The following NSD3 variants were observed in gnomAD, a reference collection of about 807,000 sequenced individuals.
NSD3 encodes the protein histone-lysine N-methyltransferase NSD3.
In NSD3, 24 loss-of-function variants were observed where a neutral mutation model predicts 160.8. That is an observed-to-expected ratio of 0.15 (90% CI 0.11 to 0.21). The LOEUF (loss-of-function observed/expected upper bound fraction) is 0.21, where lower values mean the gene tolerates loss of function less well. Among genes scored for constraint, NSD3 ranks in the 10% least tolerant of loss-of-function variants. The probability of loss-of-function intolerance (pLI) is 1.00; values close to 1 mark genes in which losing one functional copy is unlikely to be tolerated. For synonymous variants in NSD3, 520 were observed against 600.0 expected, an observed-to-expected ratio of 0.87 and a Z score of 1.95; for missense variants, 1,157 against 1,735.9, an observed-to-expected ratio of 0.67 and a Z score of 5.93.
chr8:38,376,001 A>T (rs1287325282), intron 1 of NSD3, among the ~76,000 whole-genome samples: 1 of 152,134 alleles, frequency 6.6e-6, no homozygotes, highest in Non-Finnish European at 1.5e-5. Context: ...AGAAAAAAAA[A>T]ATTAAATAAA....
chr8:38,379,078 G>T (rs1434247575), intron 1 of NSD3, among the ~76,000 whole-genome samples: 1 of 151,678 alleles, frequency 6.6e-6, no homozygotes, highest in Non-Finnish European at 1.5e-5. Flanking sequence ...GTAAGAGACG[G>T]CATTTGTTAA....
Position 38,288,784 on chromosome 8 carries a change from G to C in NSD3, c.3232-28C>G. ...AGAAAACAAAATCGCAAGCGAGAGA[G>C]AGGCAGCAGGTAAGTCATCTGGCAA... On this transcript the variant is annotated intron_variant, in intron 18 of 23. Transcript: ENST00000317025. This position sits in a 1 kb window ranked among gnomAD's most constrained non-coding sequence, Gnocchi z 4.5. 6.2e-7 allele frequency: 1 copy of C among 1,604,730 alleles called. No individual in the cohort carries two copies. Among genetic ancestry groups the C allele is most frequent in the Non-Finnish European group, 8.5e-7 (1 of 1,173,268 alleles).
At chr8:38,364,171 G>A (rs1427381633) in intron 1 of NSD3, among the ~76,000 whole-genome samples, 1 of 152,072 alleles carries the variant, frequency 6.6e-6, no homozygotes, top group African/African-American at 2.4e-5. Context: ...CAGCTACTCA[G>A]GGGGCTGAGG....
In NSD3 at chr8:38,321,877, A is replaced by C. The variant is rs1280641372; in HGVS notation, c.1709-705T>G. Among the ~76,000 whole-genome samples, 13 of 152,266 alleles carry C rather than the reference A, an allele frequency of 8.5e-5. No homozygotes were observed. On this transcript the variant is annotated intron_variant, in intron 7 of 23. Transcript: ENST00000317025. The surrounding 1 kb of genome is among the most constrained non-coding windows in gnomAD (Gnocchi z 4.7). ...GATTTTTAAAGAGTACAATTCTTTA[A>C]AAGCGAATTGAAGAAAACTCACATG...
chr8:38,371,141 T>C (rs181749558), intron 1 of NSD3, among the ~76,000 whole-genome samples: 40 of 152,154 alleles, frequency 2.6e-4, no homozygotes, highest in Non-Finnish European at 5.3e-4. Context: ...ATAATATGGA[T>C]GCACAATTCC....
At chr8:38,365,467 C>T (rs778255191) in intron 1 of NSD3, among the ~76,000 whole-genome samples, 12 of 151,962 alleles carry the variant, frequency 7.9e-5, no homozygotes, top group Non-Finnish European at 1.6e-4. Flanking sequence ...AATACAGGGA[C>T]GGGGGGCTGG....
At chr8:38,314,365 T>C (rs2131019851) in intron 12 of NSD3, among the ~76,000 whole-genome samples, 1 of 152,332 alleles carries the variant, frequency 6.6e-6, no homozygotes, top group South Asian at 2.1e-4. Flanking sequence ...CAAATCCATC[T>C]GAAAAATAAC....
chr8:38,289,369 C>T (rs544138615), intron 18 of NSD3, 24 bp downstream of exon 18: 1 of 1,583,156 alleles, frequency 6.3e-7, no homozygotes. Context: ...ATTTGGCAAT[C>T]CCAGGCCAGA....
At chr8:38,373,045 C>T (rs1361416996) in intron 1 of NSD3, among the ~76,000 whole-genome samples, 2 of 135,004 alleles carry the variant, frequency 1.5e-5, no homozygotes, top group Non-Finnish European at 3.2e-5. Context: ...AGCGAGACTC[C>T]TCTCAAAAAA....
Position 38,379,338 on chromosome 8 carries a change from T to C in NSD3, c.-45+2461A>G, listed in dbSNP as rs1016774661. Among the ~76,000 whole-genome samples, 7 of 152,114 alleles carry C rather than the reference T, an allele frequency of 4.6e-5. No individual in the cohort carries two copies. In the East Asian group the frequency reaches 1.3e-3, roughly 29 times the overall value. On this transcript the variant is annotated intron_variant, in intron 1 of 23. Coordinates refer to ENST00000317025, the MANE Select transcript of NSD3 (RefSeq NM_023034.2). ...AATGAAAGCTTCCAACACAAATTTT[T>C]CTATTTAATGATTGCTTATTTTCCT...
At chr8:38,332,743 T>G (rs1016383659) in intron 4 of NSD3, among the ~76,000 whole-genome samples, 1 of 152,042 alleles carries the variant, frequency 6.6e-6, no homozygotes, top group African/African-American at 2.4e-5. Context: ...CTTTTTTTTT[T>G]AAATAATTAA....
intron 7 of NSD3, among the ~76,000 whole-genome samples, chr8:38,324,453 C>T (rs1156760945): frequency 6.6e-6 from 1 of 152,076 alleles, no homozygotes; most frequent in African/African-American, 2.4e-5. Flanking sequence ...ATTTAAATTT[C>T]CCTTACAAAA....
Position 38,313,192 on chromosome 8 carries a change from CAT to C in NSD3, c.2242+1453_2242+1454del, listed in dbSNP as rs542149036. Among the ~76,000 whole-genome samples the C allele has an allele frequency of 8.7e-4, 133 of 152,064 alleles. 1 individual carries two copies. In the South Asian group the frequency reaches 0.019, roughly 22 times the overall value. On this transcript the variant is annotated intron_variant, in intron 12 of 23. Coordinates refer to ENST00000317025, the MANE Select transcript of NSD3 (RefSeq NM_023034.2). ...CAGCTTCCATAGCTTAGTTTATGTA[CAT>C]GTGTGTGTGTATTTGTGTGTGTGTG...
chr8:38,319,189 C>T lies in NSD3; in HGVS notation c.1810-249G>A. ...TGCTCTCTAGCAAAGACTTTTCCCA[C>T]CATTCCCTTGGTATATGAAGAGAAC... On this transcript the variant is annotated intron_variant, in intron 8 of 23. Coordinates refer to ENST00000317025, the MANE Select transcript of NSD3 (RefSeq NM_023034.2). The surrounding 1 kb of genome is among the most constrained non-coding windows in gnomAD (Gnocchi z 4.1). The T allele has an allele frequency of 2.4e-6, 1 of 422,018 alleles. No individual in the cohort carries two copies. The highest frequency in any genetic ancestry group is 4.2e-6 in the Non-Finnish European group (1 of 237,164). 26.1% of individuals were successfully genotyped at this position (422,018 alleles called of 1,614,324 possible). A position where few individuals can be genotyped will look rare whatever the true frequency, so the allele number is the denominator to read the frequency against.
intron 15 of NSD3, 26 bp from the exon 16 acceptor site, chr8:38,295,978 A>T (rs1458877671): frequency 2.5e-6 from 4 of 1,585,280 alleles, no homozygotes. Flanking sequence ...CAGTCTTAAT[A>T]ACTGAGAAAA....
intron 22 of NSD3, 26 bp downstream of exon 22, chr8:38,278,280 T>C (rs1808659953): frequency 3.1e-6 from 5 of 1,607,536 alleles, no homozygotes; most frequent in Middle Eastern, 1.7e-4. Flanking sequence ...GCCTGTTGAC[T>C]GGGGGCGCTC....
At chr8:38,333,589 C>A (rs1383148512) in intron 4 of NSD3, among the ~76,000 whole-genome samples, 2 of 152,168 alleles carry the variant, frequency 1.3e-5, no homozygotes, top group Non-Finnish European at 2.9e-5. Context: ...GACTAATGGC[C>A]GGGCGCGGTG....
At position 38,317,470 on chromosome 8, in the gene NSD3, C is replaced by T. The variant is rs1809692021; in HGVS notation, c.1855+1425G>A. On this transcript the variant is annotated intron_variant, in intron 9 of 23. Transcript: ENST00000317025. This position sits in a 1 kb window ranked among gnomAD's most constrained non-coding sequence, Gnocchi z 5.3. ...GGCTTTCGAAGGGAAACACAGGTACCGCCATTTCCGATGAGTTTCTGAAAA... is the reference window on the plus strand; with the variant it reads ...GGCTTTCGAAGGGAAACACAGGTACTGCCATTTCCGATGAGTTTCTGAAAA... 1 of 1,056,748 alleles carries T rather than the reference C, an allele frequency of 9.5e-7. No individual in the cohort carries two copies. The highest frequency in any genetic ancestry group is 1.7e-5 in the African/African-American group (1 of 60,394). The allele number at this position is 1,056,748 out of a possible 1,614,324, so 65.5% of individuals were successfully genotyped here. A position where few individuals can be genotyped will look rare whatever the true frequency, so the allele number is the denominator to read the frequency against.
chr8:38,277,088 C>T (rs919665765), intron 22 of NSD3, among the ~76,000 whole-genome samples: 1 of 152,026 alleles, frequency 6.6e-6, no homozygotes, highest in African/African-American at 2.4e-5. Flanking sequence ...ACTACAGGCA[C>T]GTGCTGCCAC....
Sources: allele counts gnomAD v4.1 joint callset (sites outside exome capture counted in the v4.1 genomes callset), GRCh38; gene constraint gnomAD v4.1.1; non-coding constraint Gnocchi (gnomAD v3.1); transcripts MANE v1.5; gene names NCBI Gene and HGNC (gene_info 2026-07-23, HGNC 2026-07-21).